Variants in USPL1 observed in about 807,000 individuals in gnomAD.
USPL1 encodes the protein ubiquitin specific peptidase like 1, also known as SUMO-specific isopeptidase USPL1.
In USPL1, 27 loss-of-function variants were observed where a neutral mutation model predicts 51.5. The observed-to-expected ratio is 0.52, with a 90% CI of 0.39 to 0.72. The LOEUF (loss-of-function observed/expected upper bound fraction) is 0.72. Among genes scored for constraint, USPL1 ranks in the 30% least tolerant of loss-of-function variants. The pLI, the probability that USPL1 is intolerant of heterozygous loss-of-function variation, is 0.00. For synonymous variants in USPL1, 451 were observed against 459.6 expected (o/e 0.98, Z 0.24); for missense variants, 1,226 against 1,268.0 (o/e 0.97, Z 0.50).
intron 7 of USPL1, among the ~76,000 whole-genome samples, chr13:30,652,440 A>T (rs1951103014): frequency 6.6e-6 from 1 of 152,152 alleles, no homozygotes; most frequent in Non-Finnish European, 1.5e-5. Context: ...GATATTCAAC[A>T]TTTTTCTTAC....
intron 4 of USPL1, among the ~76,000 whole-genome samples, chr13:30,636,943 TG>T (rs1182910707): frequency 7.2e-5 from 11 of 152,120 alleles, no homozygotes; most frequent in Non-Finnish European, 1.6e-4. Context: ...TTGTTGTTGT[TG>T]TTTTGTTTTT....
chr13:30,643,530 G>GTT (rs1267198086), intron 6 of USPL1, among the ~76,000 whole-genome samples: 1 of 150,944 alleles, frequency 6.6e-6, no homozygotes, highest in African/African-American at 2.5e-5. Flanking sequence ...CTGGCTGGCA[G>GTT]TTAGGAAGAT....
intron 5 of USPL1, among the ~76,000 whole-genome samples, chr13:30,641,329 TC>T (rs1326640321): frequency 6.6e-6 from 1 of 152,084 alleles, no homozygotes; most frequent in South Asian, 2.1e-4. Flanking sequence ...CAACTGTAGT[TC>T]CAGGCTAGGG....
At position 30,639,230 on chromosome 13, in the gene USPL1, A is replaced by G. The variant is rs1411316982; in HGVS notation, c.982+1373A>G. 4.0e-5 allele frequency among the ~76,000 whole-genome samples: 6 copies of G among 150,708 alleles called. No homozygotes were observed. The South Asian group carries it at 6.3e-4, about 16-fold the overall frequency. On this transcript the variant is annotated intron_variant, in intron 5 of 8. Coordinates refer to ENST00000255304, the MANE Select transcript of USPL1 (RefSeq NM_005800.5). ...ACTCCGTCTCAAAAAATGTATATAT[A>G]TATATATATATATATGTGTGTATGT...
intron 4 of USPL1, among the ~76,000 whole-genome samples, chr13:30,637,059 G>C (rs1043854742): frequency 6.6e-6 from 1 of 152,080 alleles, no homozygotes; most frequent in East Asian, 1.9e-4. Flanking sequence ...GGGCTCAAAT[G>C]ATCCTCCCAC....
intron 1 of USPL1, among the ~76,000 whole-genome samples, chr13:30,620,203 C>T (rs2137595402): frequency 6.6e-6 from 1 of 152,270 alleles, no homozygotes; most frequent in South Asian, 2.1e-4. Flanking sequence ...CATCGATTCC[C>T]AGGAGATGGG....
intron 7 of USPL1, among the ~76,000 whole-genome samples, chr13:30,650,387 G>A (rs1593388961): frequency 6.6e-6 from 1 of 151,762 alleles, no homozygotes; most frequent in Non-Finnish European, 1.5e-5. Flanking sequence ...GACCATCCTG[G>A]CCAACGTGGT....
chr13:30,653,367 G>T, intron 8 of USPL1, 62 bp downstream of exon 8: 1 of 1,431,724 alleles, frequency 7.0e-7, no homozygotes, highest in Non-Finnish European at 9.3e-7. Context: ...TAGCATGTGG[G>T]GACTTTTTGG....
chr13:30,625,320 G>A (rs1593360937), intron 3 of USPL1, among the ~76,000 whole-genome samples: 1 of 152,170 alleles, frequency 6.6e-6, no homozygotes, highest in African/African-American at 2.4e-5. Context: ...AGACTTGGAA[G>A]AGCAAGGTTT....
At chr13:30,623,511 A>G (rs149120311) in intron 3 of USPL1, among the ~76,000 whole-genome samples, 7 of 152,192 alleles carry the variant, frequency 4.6e-5, no homozygotes, top group African/African-American at 1.7e-4. Context: ...GTTATAGTAT[A>G]ATATGAATTA....
At position 30,657,902 on chromosome 13, in the gene USPL1, G is replaced by C; in HGVS notation, c.1825G>C (p.Glu609Gln). ...GTTAAATTCTGAAGCTTTCCTGTTA[G>C]AAAATAAACCTGTAGCAGAAAATAC... ...SQLNSEAFLL[E>Q]NKPVAENTGI... Residue 609 changes from glutamate (E) to glutamine (Q), a missense_variant, in exon 9 of 9, where the codon GAA becomes CAA. Coordinates refer to ENST00000255304, the MANE Select transcript of USPL1 (RefSeq NM_005800.5). 6.2e-7 allele frequency: 1 copy of C among 1,613,926 alleles called. No homozygotes were observed. The highest frequency in any genetic ancestry group is 8.5e-7 in the Non-Finnish European group (1 of 1,180,008).
At chr13:30,647,717 C>A (rs932626546) in intron 7 of USPL1, among the ~76,000 whole-genome samples, 4 of 152,108 alleles carry the variant, frequency 2.6e-5, no homozygotes, top group African/African-American at 9.7e-5. Context: ...TCAGTCTAAT[C>A]GTACATTAAG....
intron 3 of USPL1, among the ~76,000 whole-genome samples, chr13:30,626,834 T>C (rs1950723439): frequency 1.3e-5 from 2 of 152,102 alleles, no homozygotes; most frequent in Admixed American, 6.5e-5. Context: ...AGCGTTTACT[T>C]TGGAACATTT....
At chr13:30,640,406 A>G (rs1289166009) in intron 5 of USPL1, among the ~76,000 whole-genome samples, 1 of 152,130 alleles carries the variant, frequency 6.6e-6, no homozygotes, top group Non-Finnish European at 1.5e-5. Flanking sequence ...AACTTATTTT[A>G]TGGCTGGGCC....
chr13:30,649,135 A>G (rs1007895587), intron 7 of USPL1, among the ~76,000 whole-genome samples: 1 of 152,244 alleles, frequency 6.6e-6, no homozygotes, highest in Non-Finnish European at 1.5e-5. Flanking sequence ...AAGTCTTTTA[A>G]TGGAAAATGT....
At chr13:30,627,905 G>A (rs1341839181) in intron 3 of USPL1, among the ~76,000 whole-genome samples, 1 of 151,484 alleles carries the variant, frequency 6.6e-6, no homozygotes, top group Admixed American at 6.6e-5. Context: ...CTTTTGAGAT[G>A]GAGTCTCTGT....
At position 30,658,594 on chromosome 13, in the gene USPL1, T is replaced by C; in HGVS notation, c.2517T>C (p.Ala839=). The C allele has an allele frequency of 1.2e-6, 2 of 1,614,234 alleles. No homozygotes were observed. The highest frequency in any genetic ancestry group is 2.2e-5 in the South Asian group (2 of 91,090). The change falls in exon 9 of 9, where the codon GCT becomes GCC. Residue 839 remains alanine, a synonymous_variant. Transcript: ENST00000255304. ...GCCCTCCATCGTCTAATGGCACAGC[T>C]GCCCACCCACATGCTCATGCTGCTT... ...PAGPPSSNGT[A]AHPHAHAASE...
chr13:30,641,200 A>AG (rs1355265536), intron 5 of USPL1, among the ~76,000 whole-genome samples: 1 of 152,114 alleles, frequency 6.6e-6, no homozygotes, highest in Admixed American at 6.5e-5. Flanking sequence ...ATCTCAGGGA[A>AG]GGGGCTCAGG....
intron 6 of USPL1, among the ~76,000 whole-genome samples, chr13:30,644,974 T>A (rs1175017049): frequency 6.6e-6 from 1 of 152,184 alleles, no homozygotes; most frequent in Non-Finnish European, 1.5e-5. Flanking sequence ...TTCTCTGGTT[T>A]TCTCCTCACA....
Sources: gnomAD v4.1 joint callset for allele counts (sites outside exome capture counted in the v4.1 genomes callset) on GRCh38, gnomAD v4.1.1 for gene constraint, MANE v1.5 for transcripts, NCBI Gene and HGNC (gene_info 2026-07-23, HGNC 2026-07-21) for gene names.